SLC9A6: variants seen among roughly 807,000 people sequenced by gnomAD.
SLC9A6 encodes solute carrier family 9 member A6.
A neutral mutation model predicts 45.3 loss-of-function variants in SLC9A6; 6 were observed. The observed-to-expected ratio is 0.13, with a 90% CI of 0.07 to 0.26. The LOEUF (loss-of-function observed/expected upper bound fraction) is 0.26. Ranked by LOEUF, SLC9A6 falls within the 10% of genes least tolerant of loss-of-function variation. The pLI is 1.00. For missense variants in SLC9A6, 278 were observed against 503.7 expected, an observed-to-expected ratio of 0.55 and a Z score of 4.29; for synonymous variants, 191 against 187.7, an observed-to-expected ratio of 1.02 and a Z score of -0.14.
intron 2 of SLC9A6, among the ~76,000 whole-genome samples, chrX:135,987,260 A>G (rs1290935250): frequency 8.9e-6 from 1 of 112,102 alleles, no homozygotes; most frequent in Non-Finnish European, 1.9e-5. Flanking sequence ...TTGGCCAGAT[A>G]AGCTATATAT....
intron 10 of SLC9A6, among the ~76,000 whole-genome samples, chrX:136,014,720 G>A (rs181994781): frequency 2.7e-5 from 3 of 112,892 alleles, no homozygotes; most frequent in South Asian, 3.6e-4. Flanking sequence ...AGCTGAGATC[G>A]TGCCACTGCA....
chrX:136,013,305 G>C, intron 9 of SLC9A6, 44 bp from the exon 10 acceptor site: 1 of 1,022,451 alleles, frequency 9.8e-7, no homozygotes, highest in Non-Finnish European at 1.4e-6. Context: ...ATAAAAGGTG[G>C]GAACCATCCT....
chrX:136,030,455 G>T (rs1556620990), intron 15 of SLC9A6: 4 of 327,163 alleles, frequency 1.2e-5, no homozygotes, highest in African/African-American at 2.7e-5. Context: ...CTGGGTTTTC[G>T]AGTGACTCCT....
At chrX:135,977,993 G>A (rs907161818) in intron 1 of SLC9A6, among the ~76,000 whole-genome samples, 4 of 112,085 alleles carry the variant, frequency 3.6e-5, no homozygotes, top group African/African-American at 6.5e-5. Flanking sequence ...ACTTCACTGC[G>A]CCTCAGTTTT....
chrX:136,013,522 C>A, intron 10 of SLC9A6, 85 bp downstream of exon 10: 1 of 650,194 alleles, frequency 1.5e-6, no homozygotes, highest in African/African-American at 2.2e-5. Flanking sequence ...AAAAAATAGT[C>A]TTTGATCTGT....
intron 2 of SLC9A6, among the ~76,000 whole-genome samples, chrX:135,992,564 A>G (rs371180488): frequency 2.5e-4 from 28 of 111,724 alleles, no homozygotes; most frequent in Non-Finnish European, 4.7e-4. Flanking sequence ...GCCATACTAA[A>G]CTACTTGATT....
At chrX:136,029,892 T>G (rs1425871207) in intron 14 of SLC9A6, 1 of 415,513 alleles carries the variant, frequency 2.4e-6, no homozygotes, top group Non-Finnish European at 4.2e-6. Flanking sequence ...TTTCTGAAAC[T>G]GGTAAGTAAG....
intron 7 of SLC9A6, among the ~76,000 whole-genome samples, chrX:136,005,784 G>A (rs1371959665): frequency 9.0e-6 from 1 of 111,490 alleles, no homozygotes; most frequent in Non-Finnish European, 1.9e-5. Context: ...GTGAGAGAAT[G>A]AAGCCTTATA....
chrX:135,991,439 G>A (rs1569524029), intron 2 of SLC9A6, among the ~76,000 whole-genome samples: 1 of 110,821 alleles, frequency 9.0e-6, no homozygotes, highest in Non-Finnish European at 1.9e-5. Flanking sequence ...TGTATTTTTA[G>A]TAGAGATGAG....
At position 136,022,123 on chromosome X, in the gene SLC9A6, AG is replaced by A. The variant is rs782451213; in HGVS notation, c.1195-459del. On this transcript the variant is annotated intron_variant, in intron 11 of 17. Coordinates refer to ENST00000630721, the MANE Select transcript of SLC9A6 (RefSeq NM_001379110.1). Reference sequence around the variant, plus strand: ...CCCTTTTCTTTGTTCTGAGGAAGGAAGGGGAAGTTTTCTCAGTATTACTCTT... The same window carrying A: ...CCCTTTTCTTTGTTCTGAGGAAGGAAGGGAAGTTTTCTCAGTATTACTCTT... 1.2e-4 allele frequency among the ~76,000 whole-genome samples: 13 copies of A among 111,577 alleles called. No homozygotes were observed. In the East Asian group the frequency reaches 2.5e-3, roughly 22 times the overall value.
chrX:135,985,881 C>T lies in SLC9A6; in HGVS notation c.169+54C>T, dbSNP rs1223817772. 6.8e-6 allele frequency: 8 copies of T among 1,178,863 alleles called. No homozygotes were observed. In the Admixed American group the frequency reaches 1.5e-4, roughly 23 times the overall value. On this transcript the variant is annotated intron_variant, in intron 2 of 17. Transcript: ENST00000630721. ...TGGCGCTGCCCCTTTCTCTGCCCGC[C>T]GGCTGCTTCGCCTCCTCTGCTGGCC...
intron 2 of SLC9A6, among the ~76,000 whole-genome samples, chrX:135,989,538 A>C (rs1015448723): frequency 8.9e-5 from 10 of 112,491 alleles, no homozygotes; most frequent in Non-Finnish European, 1.9e-4. Flanking sequence ...TACATGTTTG[A>C]GCCACAGTAT....
chrX:135,996,970 G>A (rs987982986), intron 3 of SLC9A6, among the ~76,000 whole-genome samples: 1 of 110,855 alleles, frequency 9.0e-6, no homozygotes, highest in Non-Finnish European at 1.9e-5. Flanking sequence ...GTTTCACCGT[G>A]TTAGCCAGGA....
chrX:136,012,245 T>G (rs1329163329), intron 8 of SLC9A6, among the ~76,000 whole-genome samples: 4 of 113,006 alleles, frequency 3.5e-5, no homozygotes, highest in Non-Finnish European at 7.5e-5. Flanking sequence ...ATAAGTGAAC[T>G]GAGGCATAAA....
chrX:136,019,801 C>T (rs1556619700), intron 11 of SLC9A6, among the ~76,000 whole-genome samples: 3 of 111,996 alleles, frequency 2.7e-5, no homozygotes, highest in African/African-American at 9.7e-5. Flanking sequence ...CATAGTTTTT[C>T]CCTAATGTCC....
intron 12 of SLC9A6, among the ~76,000 whole-genome samples, chrX:136,023,701 T>A (rs1438190821): frequency 9.1e-6 from 1 of 110,445 alleles, no homozygotes; most frequent in Non-Finnish European, 1.9e-5. Context: ...GGGGGAGGGA[T>A]GATGAAACCA....
chrX:136,030,385 T>C lies in SLC9A6; in HGVS notation c.1581+223T>C, dbSNP rs1284457066. The C allele has an allele frequency of 3.7e-5, 16 of 429,037 alleles. No individual in the cohort carries two copies. In the Admixed American group the frequency reaches 4.9e-4, roughly 13 times the overall value. The allele number at this position is 429,037 out of a possible 1,213,427, so 35.4% of individuals were successfully genotyped here. ...TGGTTATCAAGGGTGACAGCTTTCA[T>C]GTCTCTGGGCCATCCTGCCTGGGCT... is the stretch of plus-strand genomic sequence containing the variant. On this transcript the variant is annotated intron_variant, in intron 15 of 17. Transcript: ENST00000630721.
Position 136,045,854 on chromosome X carries a change from T to C in SLC9A6, c.*1130T>C, listed in dbSNP as rs921954299. The C allele has an allele frequency of 8.9e-6, 1 of 112,039 alleles. No homozygotes were observed. The highest frequency in any genetic ancestry group is 3.2e-5 in the African/African-American group (1 of 30,790). 9.2% of individuals were successfully genotyped at this position (112,039 alleles called of 1,213,427 possible). On this transcript the variant is annotated 3_prime_UTR_variant, in exon 18 of 18. Transcript: ENST00000630721. ...GAAATCGAATATTCTGGAGCACTGA[T>C]TGCAGCAGGGTGGCTCCTTTGTGTG...
chrX:136,044,462 A>T lies in SLC9A6; in HGVS notation c.1778A>T (p.Gln593Leu). 1 of 1,206,531 alleles carries T rather than the reference A, an allele frequency of 8.3e-7. No homozygotes were observed. The highest frequency in any genetic ancestry group is 1.1e-6 in the Non-Finnish European group (1 of 890,543). Residue 593 changes from glutamine to leucine, a missense_variant, in exon 18 of 18, where the codon CAG (glutamine) becomes CTG (leucine). Coordinates refer to ENST00000630721, the MANE Select transcript of SLC9A6 (RefSeq NM_001379110.1). ...TTTATTTGCATTTAGAACCAGGAAC[A>T]GTTGAAAGATGATGATTCTGATCTT... Reference protein sequence around the residue: ...TSPQAYENQEQLKDDDSDLIL... With the variant: ...TSPQAYENQELLKDDDSDLIL...
Sources: gnomAD v4.1 joint callset for allele counts (sites outside exome capture counted in the v4.1 genomes callset) on GRCh38, gnomAD v4.1.1 for gene constraint, MANE v1.5 for transcripts, NCBI Gene and HGNC (gene_info 2026-07-23, HGNC 2026-07-21) for gene names.